NEGR1: variants seen among roughly 807,000 people sequenced by gnomAD.
The protein encoded by NEGR1 is neuronal growth regulator 1, also known as IgLON family member 4.
Under a neutral mutation model 40.9 loss-of-function variants are expected in NEGR1, and 10 were observed. The observed-to-expected ratio is 0.24, with a 90% CI of 0.15 to 0.42. NEGR1 has a LOEUF of 0.42. Among genes scored for constraint, NEGR1 ranks in the 10% least tolerant of loss-of-function variants. The probability of loss-of-function intolerance (pLI) is 1.00; values close to 1 mark genes in which losing one functional copy is unlikely to be tolerated. For synonymous variants in NEGR1, 185 were observed against 166.8 expected, an observed-to-expected ratio of 1.11 and a Z score of -0.84; for missense variants, 352 against 438.9, an observed-to-expected ratio of 0.80 and a Z score of 1.77.
chr1:71,904,058 T>C (rs1661212983), intron 2 of NEGR1, among the ~76,000 whole-genome samples: 1 of 151,946 alleles, frequency 6.6e-6, no homozygotes, highest in East Asian at 1.9e-4. Flanking sequence ...TGTTACATAT[T>C]ATATTAAAAT....
At chr1:72,013,326 C>T (rs1040218442) in intron 1 of NEGR1, among the ~76,000 whole-genome samples, 2 of 152,060 alleles carry the variant, frequency 1.3e-5, no homozygotes, top group African/African-American at 4.8e-5. Context: ...CATTTGTGTT[C>T]TTCCTTGCAT....
rs1200889154 is a variant in NEGR1 at position 71,399,481 on chromosome 1, TCCTTATGCTA to T, written c.*7955_*7964del. ...TCTGATTAATTAAATCACAAGATGTTCCTTATGCTAACGTCTTAGCAAATAAAACTTAAAC... is the reference window on the plus strand; with the variant it reads ...TCTGATTAATTAAATCACAAGATGTTACGTCTTAGCAAATAAAACTTAAAC... On this transcript the variant is annotated 3_prime_UTR_variant, in exon 7 of 7. Coordinates refer to ENST00000357731, the MANE Select transcript of NEGR1 (RefSeq NM_173808.3). 6.6e-6 allele frequency: 1 copy of T among 152,228 alleles called. No individual in the cohort carries two copies. Among genetic ancestry groups the T allele is most frequent in the Non-Finnish European group, 1.5e-5 (1 of 68,044 alleles). 9.4% of individuals were successfully genotyped at this position (152,228 alleles called of 1,614,324 possible). A position where few individuals can be genotyped will look rare whatever the true frequency, so the allele number is the denominator to read the frequency against.
intron 2 of NEGR1, among the ~76,000 whole-genome samples, chr1:71,821,725 A>T (rs111928282): frequency 1.2e-4 from 18 of 152,154 alleles, no homozygotes; most frequent in African/African-American, 4.3e-4. Flanking sequence ...ACCTGTAGAC[A>T]TCATGACATT....
At chr1:71,591,808 A>T (rs1386655729) in intron 6 of NEGR1, among the ~76,000 whole-genome samples, 1 of 152,106 alleles carries the variant, frequency 6.6e-6, no homozygotes, top group African/African-American at 2.4e-5. Flanking sequence ...AAAGCTCATA[A>T]ATCATGGAAA....
At chr1:71,413,327 A>C (rs1383157530) in intron 6 of NEGR1, among the ~76,000 whole-genome samples, 2 of 152,214 alleles carry the variant, frequency 1.3e-5, no homozygotes, top group African/African-American at 4.8e-5. Flanking sequence ...GGCAATGAGC[A>C]AAACAGAAAT....
intron 2 of NEGR1, among the ~76,000 whole-genome samples, chr1:71,791,443 G>C (rs1263632822): frequency 6.6e-6 from 1 of 151,966 alleles, no homozygotes; most frequent in African/African-American, 2.4e-5. Context: ...TGGCCACAGT[G>C]GCAGTGTTTA....
chr1:71,689,751 G>A (rs907522491), intron 4 of NEGR1, among the ~76,000 whole-genome samples: 1 of 151,274 alleles, frequency 6.6e-6, no homozygotes, highest in East Asian at 1.9e-4. Flanking sequence ...TAAGAGGAAA[G>A]AGAGGAGAGG....
intron 1 of NEGR1, among the ~76,000 whole-genome samples, chr1:71,949,447 G>A (rs1325841554): frequency 6.6e-6 from 1 of 152,148 alleles, no homozygotes; most frequent in African/African-American, 2.4e-5. Flanking sequence ...TCATTGTGAA[G>A]TGTAGTAAGA....
chr1:71,903,845 G>T (rs1403887615), intron 2 of NEGR1, among the ~76,000 whole-genome samples: 1 of 151,174 alleles, frequency 6.6e-6, no homozygotes, highest in African/African-American at 2.4e-5. Flanking sequence ...TATAAAAAAT[G>T]ATGTATTTTT....
At chr1:71,504,804 G>C (rs75807569) in intron 6 of NEGR1, among the ~76,000 whole-genome samples, 2,692 of 152,172 alleles carry the variant, frequency 0.018, 50 homozygotes, top group Non-Finnish European at 0.023. Flanking sequence ...ATTGAGACCA[G>C]AGCACACTGA....
intron 1 of NEGR1, among the ~76,000 whole-genome samples, chr1:72,200,979 T>A (rs1284227442): frequency 6.6e-6 from 1 of 151,916 alleles, no homozygotes; most frequent in Non-Finnish European, 1.5e-5. Context: ...CTATTAGTGA[T>A]AAACATTCTC....
chr1:71,470,276 A>T (rs1182451560), intron 6 of NEGR1, among the ~76,000 whole-genome samples: 2 of 152,004 alleles, frequency 1.3e-5, no homozygotes, highest in Non-Finnish European at 2.9e-5. Context: ...TTTATTACAG[A>T]TACTGACTTC....
intron 6 of NEGR1, among the ~76,000 whole-genome samples, chr1:71,451,628 T>C (rs557250097): frequency 5.3e-5 from 8 of 152,068 alleles, no homozygotes; most frequent in Non-Finnish European, 1.2e-4. Context: ...GTAGGTGGTA[T>C]CACTACTTAC....
intron 6 of NEGR1, chr1:71,439,830 T>G: frequency 6.6e-6 from 1 of 152,222 alleles, no homozygotes; most frequent in Middle Eastern, 3.4e-3. Flanking sequence ...TTTCTGTATA[T>G]GCCTATATCT....
chr1:72,273,286 A>G (rs1336578944), intron 1 of NEGR1, among the ~76,000 whole-genome samples: 1 of 151,950 alleles, frequency 6.6e-6, no homozygotes, highest in Non-Finnish European at 1.5e-5. Flanking sequence ...TTCTACCTCT[A>G]TATCCTTATT....
intron 2 of NEGR1, among the ~76,000 whole-genome samples, chr1:71,807,400 TA>T: frequency 6.6e-6 from 1 of 151,858 alleles, no homozygotes; most frequent in Admixed American, 6.6e-5. Flanking sequence ...TAAAGAACAA[TA>T]AAAAATAACA....
intron 3 of NEGR1, among the ~76,000 whole-genome samples, chr1:71,761,968 A>G (rs1023616458): frequency 1.3e-5 from 2 of 152,094 alleles, no homozygotes; most frequent in Non-Finnish European, 2.9e-5. Flanking sequence ...ACTATAGTAC[A>G]TTATCATAAT....
At chr1:72,021,760 AAAC>A (rs1315047133) in intron 1 of NEGR1, among the ~76,000 whole-genome samples, 1 of 152,222 alleles carries the variant, frequency 6.6e-6, no homozygotes, top group Non-Finnish European at 1.5e-5. Context: ...ATGCTTTAAA[AAAC>A]AACATGTCTG....
chr1:71,540,542 A>C (rs1023395235), intron 6 of NEGR1, among the ~76,000 whole-genome samples: 6 of 151,650 alleles, frequency 4.0e-5, no homozygotes, highest in African/African-American at 1.5e-4. Flanking sequence ...TTTTGGCTGG[A>C]GTATTGACAG....
Sources: allele counts gnomAD v4.1 joint callset (sites outside exome capture counted in the v4.1 genomes callset), GRCh38; gene constraint gnomAD v4.1.1; transcripts MANE v1.5; gene names NCBI Gene and HGNC (gene_info 2026-07-23, HGNC 2026-07-21).